MROH9: variants seen among roughly 807,000 people sequenced by gnomAD.
MROH9 encodes the protein maestro heat-like repeat-containing protein family member 9.
MROH9 carries 92 observed loss-of-function variants against 98.2 expected under a neutral mutation model. The observed-to-expected ratio is 0.94, with a 90% confidence interval of 0.79 to 1.11. MROH9 has a LOEUF of 1.11. Ranked by LOEUF, MROH9 falls within the 50% of genes most tolerant of loss-of-function variation. MROH9 has a pLI of 0.00. For missense variants in MROH9, 1,057 were observed against 1,014.8 expected, an observed-to-expected ratio of 1.04 and a Z score of -0.57; for synonymous variants, 397 against 368.9, an observed-to-expected ratio of 1.08 and a Z score of -0.87.
chr1:170,956,048 C>T (rs1402405189), intron 3 of MROH9, among the ~76,000 whole-genome samples: 1 of 152,136 alleles, frequency 6.6e-6, no homozygotes, highest in Non-Finnish European at 1.5e-5. Context: ...AGCCAATTAT[C>T]CCAGCACCAT....
At chr1:171,012,320 C>T (rs1361579182) in intron 15 of MROH9, among the ~76,000 whole-genome samples, 1 of 152,000 alleles carries the variant, frequency 6.6e-6, no homozygotes, top group Non-Finnish European at 1.5e-5. Flanking sequence ...TACCTTCTGA[C>T]ATGGTATCTA....
At chr1:171,000,954 T>A (rs185241173) in intron 15 of MROH9, among the ~76,000 whole-genome samples, 4 of 152,232 alleles carry the variant, frequency 2.6e-5, no homozygotes, top group Admixed American at 2.6e-4. Context: ...TAATTCTTCC[T>A]GATTTAAGCT....
chr1:170,966,794 C>G (rs1557877185), intron 7 of MROH9, among the ~76,000 whole-genome samples: 1 of 152,020 alleles, frequency 6.6e-6, no homozygotes, highest in Non-Finnish European at 1.5e-5. Flanking sequence ...TAAAATAGCT[C>G]GAGTTATACA....
intron 20 of MROH9, among the ~76,000 whole-genome samples, chr1:171,057,930 T>C (rs1653895240): frequency 6.6e-6 from 1 of 152,120 alleles, no homozygotes; most frequent in African/African-American, 2.4e-5. Context: ...GGGATTTCAT[T>C]ACCACCAGGC....
chr1:170,996,411 A>T, intron 13 of MROH9, 96 bp from the exon 14 acceptor site: 1 of 1,392,818 alleles, frequency 7.2e-7, no homozygotes, highest in Non-Finnish European at 9.9e-7. Context: ...CAAAACCTAT[A>T]TTCTGCCCAA....
chr1:170,963,408 C>T (rs1650103318), intron 6 of MROH9, among the ~76,000 whole-genome samples: 1 of 151,892 alleles, frequency 6.6e-6, no homozygotes, highest in African/African-American at 2.4e-5. Context: ...AACCATTGTA[C>T]AAAACAGCAT....
intron 16 of MROH9, chr1:171,014,926 G>T: frequency 2.1e-6 from 1 of 468,946 alleles, no homozygotes; most frequent in Non-Finnish European, 4.4e-6. Context: ...AGGTCCTCCA[G>T]GTGACTGTTA....
chr1:170,940,552 G>GA (rs1347956685), intron 1 of MROH9, among the ~76,000 whole-genome samples: 1 of 152,026 alleles, frequency 6.6e-6, no homozygotes, highest in Non-Finnish European at 1.5e-5. Context: ...AAGGGATAGA[G>GA]AAAAAAAGTA....
chr1:170,959,377 A>C (rs1482260832), intron 4 of MROH9, 85 bp from the exon 5 acceptor site: 2 of 1,085,700 alleles, frequency 1.8e-6, no homozygotes, highest in African/African-American at 3.3e-5. Flanking sequence ...TCTGTCTCAA[A>C]ATAAATAAAT....
intron 10 of MROH9, among the ~76,000 whole-genome samples, chr1:170,988,645 G>A (rs1651238516): frequency 6.6e-6 from 1 of 152,176 alleles, no homozygotes; most frequent in Admixed American, 6.5e-5. Flanking sequence ...ACTGAAAACA[G>A]TGGATTCTTG....
chr1:171,053,312 C>T (rs961333978), intron 20 of MROH9, among the ~76,000 whole-genome samples: 2 of 152,190 alleles, frequency 1.3e-5, no homozygotes, highest in East Asian at 1.9e-4. Context: ...TGTTGTCCTC[C>T]TCTTGGTCCC....
At chr1:170,943,383 A>G (rs1391333213) in intron 1 of MROH9, among the ~76,000 whole-genome samples, 1 of 152,104 alleles carries the variant, frequency 6.6e-6, no homozygotes, top group Non-Finnish European at 1.5e-5. Flanking sequence ...GAGGTAAGCT[A>G]GAAAGACTTT....
intron 3 of MROH9, among the ~76,000 whole-genome samples, chr1:170,949,849 CA>C: frequency 6.6e-6 from 1 of 152,050 alleles, no homozygotes; most frequent in African/African-American, 2.4e-5. Context: ...ATTCCTCAGC[CA>C]CCTACAACCC....
intron 1 of MROH9, among the ~76,000 whole-genome samples, chr1:170,936,878 G>C (rs903204528): frequency 1.3e-5 from 2 of 151,962 alleles, no homozygotes; most frequent in African/African-American, 4.8e-5. Context: ...GGAGATCTGT[G>C]TAGGGGGAAG....
intron 15 of MROH9, among the ~76,000 whole-genome samples, chr1:171,007,771 C>A (rs1052814669): frequency 2.0e-5 from 3 of 152,132 alleles, no homozygotes; most frequent in Non-Finnish European, 4.4e-5. Context: ...AAAGACATAA[C>A]CAAAGTCAGC....
At chr1:170,944,927 G>T (rs879308972) in intron 1 of MROH9, among the ~76,000 whole-genome samples, 1 of 151,978 alleles carries the variant, frequency 6.6e-6, no homozygotes, top group African/African-American at 2.4e-5. Context: ...GTTATATAAC[G>T]TGAAAGAAGG....
At chr1:170,996,730 A>C in intron 14 of MROH9, 86 bp downstream of exon 14, 1 of 1,310,838 alleles carries the variant, frequency 7.6e-7, no homozygotes, top group South Asian at 1.5e-5. Context: ...GGAACAAGAT[A>C]GGCATCTATT....
In MROH9 at chr1:170,947,589, T is replaced by A. The variant is rs750933129; in HGVS notation, c.72+16T>A. On this transcript the variant is annotated intron_variant, in intron 3 of 21. Coordinates refer to ENST00000367759, the MANE Select transcript of MROH9 (RefSeq NM_001163629.2). ...GCACCACATGGTAAGTGATATTCTA[T>A]AAGGATATCAACGTAACTGAATTCT... 1 of 1,591,442 alleles carries A rather than the reference T, an allele frequency of 6.3e-7. No homozygotes were observed. Among genetic ancestry groups the A allele is most frequent in the South Asian group, 1.1e-5 (1 of 89,974 alleles).
intron 10 of MROH9, among the ~76,000 whole-genome samples, chr1:170,988,291 T>C (rs773747014): frequency 6.6e-6 from 1 of 152,142 alleles, no homozygotes. Flanking sequence ...TGAGAAGTCT[T>C]ACTCAAATTC....
Sources: gnomAD v4.1 joint callset for allele counts (sites outside exome capture counted in the v4.1 genomes callset) on GRCh38, gnomAD v4.1.1 for gene constraint, MANE v1.5 for transcripts, NCBI Gene and HGNC (gene_info 2026-07-23, HGNC 2026-07-21) for gene names.